The following CACNB4 variants were observed in gnomAD, a reference collection of about 807,000 sequenced individuals.
CACNB4 encodes voltage-dependent L-type calcium channel subunit beta-4.
A neutral mutation model predicts 71.2 loss-of-function variants in CACNB4; 32 were observed. That is an observed-to-expected ratio of 0.45 (90% confidence interval 0.34 to 0.60). CACNB4 has a LOEUF of 0.60. Among genes scored for constraint, CACNB4 ranks in the 20% least tolerant of loss-of-function variants. The probability of loss-of-function intolerance (pLI) is 0.01; values close to 1 mark genes in which losing one functional copy is unlikely to be tolerated. For synonymous variants in CACNB4, 231 were observed against 236.9 expected (o/e 0.97, Z 0.23); for missense variants, 464 against 647.9 (o/e 0.72, Z 3.08).
intron 2 of CACNB4, among the ~76,000 whole-genome samples, chr2:151,976,021 T>C (rs780355825): frequency 5.3e-5 from 8 of 152,150 alleles, no homozygotes; most frequent in Non-Finnish European, 7.3e-5. Context: ...CTATAGCCAA[T>C]GTGAGGGCCT....
chr2:152,035,463 G>A (rs1433197898), intron 2 of CACNB4, among the ~76,000 whole-genome samples: 1 of 152,170 alleles, frequency 6.6e-6, no homozygotes. Context: ...AGGAGACTGA[G>A]GCAGGAGAAT....
At chr2:151,903,088 T>C (rs1980227) in intron 2 of CACNB4, among the ~76,000 whole-genome samples, 144,797 of 152,306 alleles carry the variant, frequency 0.95, 69,269 homozygotes, top group East Asian at 1. Flanking sequence ...GAGTTTGTGA[T>C]TCATTTGGTA....
chr2:151,899,410 C>T (rs2099852852), intron 2 of CACNB4, among the ~76,000 whole-genome samples: 1 of 152,124 alleles, frequency 6.6e-6, no homozygotes, highest in Admixed American at 6.6e-5. Flanking sequence ...GAGATACTTC[C>T]CTTATATAAC....
At chr2:151,854,382 T>C (rs770781301) in intron 11 of CACNB4, 7 of 152,238 alleles carry the variant, frequency 4.6e-5, no homozygotes, top group Non-Finnish European at 7.3e-5. Flanking sequence ...TCTGCAGAGA[T>C]AGATGGAAGG....
chr2:151,933,869 T>C (rs1297491611), intron 2 of CACNB4, among the ~76,000 whole-genome samples: 6 of 146,642 alleles, frequency 4.1e-5, no homozygotes, highest in Non-Finnish European at 8.8e-5. Flanking sequence ...AGCAACTCAA[T>C]ATATAAAATT....
At position 151,966,338 on chromosome 2, in the gene CACNB4, G is replaced by A. The variant is rs183818733; in HGVS notation, c.148-82968C>T. 1.5e-3 allele frequency among the ~76,000 whole-genome samples: 225 copies of A among 152,054 alleles called. 1 individual carries two copies. Among genetic ancestry groups the A allele is most frequent in the African/African-American group, 5.2e-3 (216 of 41,462 alleles). ...TTTGTCACCCAGGCTGGAGTGTAAT[G>A]GCGTGATCTTGGCTCACTGCAATCT... is the stretch of plus-strand genomic sequence containing the variant. On this transcript the variant is annotated intron_variant, in intron 2 of 13. Transcript: ENST00000539935.
At chr2:152,004,223 T>C (rs1432580561) in intron 2 of CACNB4, among the ~76,000 whole-genome samples, 1 of 152,174 alleles carries the variant, frequency 6.6e-6, no homozygotes, top group Non-Finnish European at 1.5e-5. Context: ...GAGGGCACCA[T>C]ACACCTTCCT....
chr2:152,014,428 A>G (rs141081650), intron 2 of CACNB4, among the ~76,000 whole-genome samples: 116 of 152,198 alleles, frequency 7.6e-4, no homozygotes, highest in African/African-American at 2.6e-3. Flanking sequence ...TTTGCGTAGA[A>G]TCTAAAGAAT....
chr2:151,889,196 T>C (rs1410830736), intron 2 of CACNB4, among the ~76,000 whole-genome samples: 2 of 152,088 alleles, frequency 1.3e-5, no homozygotes, highest in African/African-American at 4.8e-5. Context: ...TGGCCAGGTG[T>C]GGTGGCTCAT....
At chr2:152,003,570 A>G (rs1682549829) in intron 2 of CACNB4, among the ~76,000 whole-genome samples, 2 of 152,170 alleles carry the variant, frequency 1.3e-5, no homozygotes, top group South Asian at 4.1e-4. Flanking sequence ...CATTTCAGTG[A>G]AAGCTTTAAG....
At chr2:152,097,863 G>A (rs551731714) in intron 2 of CACNB4, among the ~76,000 whole-genome samples, 62 of 152,284 alleles carry the variant, frequency 4.1e-4, no homozygotes, top group African/African-American at 1.3e-3. Flanking sequence ...GGAGCTTGAC[G>A]ATCTCTCCCA....
chr2:152,009,695 A>G (rs1013275550), intron 2 of CACNB4, among the ~76,000 whole-genome samples: 1 of 152,214 alleles, frequency 6.6e-6, no homozygotes, highest in African/African-American at 2.4e-5. Context: ...CTGCAGTGCA[A>G]TGCACGGGTG....
intron 9 of CACNB4, among the ~76,000 whole-genome samples, chr2:151,862,480 A>G (rs1052356295): frequency 3.3e-5 from 5 of 152,168 alleles, no homozygotes; most frequent in African/African-American, 1.2e-4. Flanking sequence ...TCATTATTTG[A>G]TGCATCTTCA....
chr2:151,847,042 G>A (rs2151331867), intron 12 of CACNB4, among the ~76,000 whole-genome samples: 1 of 150,574 alleles, frequency 6.6e-6, no homozygotes, highest in South Asian at 2.1e-4. Context: ...AATAATATGG[G>A]TGAGCACACT....
chr2:151,953,551 T>C (rs1013296781), intron 2 of CACNB4, among the ~76,000 whole-genome samples: 2 of 152,238 alleles, frequency 1.3e-5, no homozygotes, highest in Admixed American at 6.5e-5. Context: ...CATAAGGTCA[T>C]TGTGAAAATT....
intron 2 of CACNB4, among the ~76,000 whole-genome samples, chr2:151,999,198 T>C (rs1372638676): frequency 6.6e-6 from 1 of 152,160 alleles, no homozygotes; most frequent in Non-Finnish European, 1.5e-5. Flanking sequence ...GTGGTGCTTC[T>C]TCCCAGCTCC....
intron 2 of CACNB4, among the ~76,000 whole-genome samples, chr2:151,920,356 C>G (rs1238091100): frequency 1.9e-5 from 2 of 107,910 alleles, no homozygotes. Flanking sequence ...GGTTCTTGCT[C>G]TGTTGTCCAC....
At chr2:151,943,217 T>C (rs1239206357) in intron 2 of CACNB4, among the ~76,000 whole-genome samples, 2 of 152,214 alleles carry the variant, frequency 1.3e-5, no homozygotes, top group African/African-American at 4.8e-5. Flanking sequence ...ACTCTTTCTC[T>C]TTATTTCTCA....
Position 151,977,599 on chromosome 2 carries a change from A to G in CACNB4, c.148-94229T>C, listed in dbSNP as rs528203109. Among the ~76,000 whole-genome samples the G allele has an allele frequency of 2.0e-5, 3 of 152,322 alleles. No individual in the cohort carries two copies. In the South Asian group the frequency reaches 6.2e-4, roughly 32 times the overall value. On this transcript the variant is annotated intron_variant, in intron 2 of 13. Transcript: ENST00000539935. Reference sequence around the variant, plus strand: ...TTCCACTTGTTTGGACAGAGAGAAGAAGGAGAGAAAAGCCAAAGTGAGAAG... The same window carrying G: ...TTCCACTTGTTTGGACAGAGAGAAGGAGGAGAGAAAAGCCAAAGTGAGAAG...
Sources: allele counts gnomAD v4.1 joint callset (sites outside exome capture counted in the v4.1 genomes callset), GRCh38; gene constraint gnomAD v4.1.1; transcripts MANE v1.5; gene names NCBI Gene and HGNC (gene_info 2026-07-23, HGNC 2026-07-21).